DMD: variants seen among roughly 807,000 people sequenced by gnomAD.
The protein encoded by DMD is mutant dystrophin.
Under a neutral mutation model 330.1 loss-of-function variants are expected in DMD, and 63 were observed. The observed-to-expected ratio is 0.19, with a 90% confidence interval of 0.16 to 0.24. The LOEUF (loss-of-function observed/expected upper bound fraction) is 0.24, where lower values mean the gene tolerates loss of function less well. DMD is among the 10% of genes least tolerant of loss of function. The pLI, the probability that DMD is intolerant of heterozygous loss-of-function variation, is 1.00. For synonymous variants in DMD, 1,223 were observed against 959.8 expected, an observed-to-expected ratio of 1.27 and a Z score of -5.07; for missense variants, 3,344 against 2,684.1, an observed-to-expected ratio of 1.25 and a Z score of -5.43.
chrX:31,207,073 T>G (rs971573259), intron 65 of DMD, among the ~76,000 whole-genome samples: 1 of 111,967 alleles, frequency 8.9e-6, no homozygotes. Flanking sequence ...ATTACCTACT[T>G]TGGTCATGGA....
intron 2 of DMD, among the ~76,000 whole-genome samples, chrX:32,882,164 T>A: frequency 8.9e-6 from 1 of 111,953 alleles, no homozygotes; most frequent in Non-Finnish European, 1.9e-5. Flanking sequence ...GGGCCCTTCC[T>A]GCTATCCCAG....
intron 1 of DMD, among the ~76,000 whole-genome samples, chrX:33,121,058 A>T (rs569837309): frequency 1.8e-5 from 2 of 109,940 alleles, no homozygotes; most frequent in South Asian, 7.9e-4. Context: ...GGGCCCACTT[A>T]AATGTATAAG....
chrX:31,142,682 G>A (rs2036212562), intron 76 of DMD, among the ~76,000 whole-genome samples: 1 of 112,341 alleles, frequency 8.9e-6, no homozygotes, highest in Non-Finnish European at 1.9e-5. Context: ...GTAATCTGGT[G>A]GAAAGTTAGG....
rs373863717 is a variant in DMD, at chrX:31,510,648, T to C, written c.8218-3195A>G. On this transcript the variant is annotated intron_variant, in intron 55 of 78. Transcript: ENST00000357033. ...TCAGCCTCCCAAGTAGCTGGGACTATAGGCGCCCGCCACCACGCCTGGCTA... is the reference window on the plus strand; with the variant it reads ...TCAGCCTCCCAAGTAGCTGGGACTACAGGCGCCCGCCACCACGCCTGGCTA... 1.1e-3 allele frequency among the ~76,000 whole-genome samples: 116 copies of C among 108,602 alleles called. No homozygotes were observed. In the East Asian group the frequency reaches 0.017, roughly 16 times the overall value. The allele number at this position is 108,602 out of a possible 115,157, so 94.3% of individuals were successfully genotyped here.
At chrX:32,789,320 T>G (rs187813070) in intron 7 of DMD, among the ~76,000 whole-genome samples, 1 of 112,316 alleles carries the variant, frequency 8.9e-6, no homozygotes, top group Non-Finnish European at 1.9e-5. Context: ...TTAGTCATTT[T>G]TTAAGGAAGA....
chrX:32,703,033 C>A (rs1889837329), intron 7 of DMD, among the ~76,000 whole-genome samples: 1 of 111,330 alleles, frequency 9.0e-6, no homozygotes, highest in Non-Finnish European at 1.9e-5. Context: ...CATGCTTCCC[C>A]CAGCCAACCA....
intron 7 of DMD, among the ~76,000 whole-genome samples, chrX:32,773,142 T>A (rs146057557): frequency 4.4e-3 from 489 of 112,369 alleles, no homozygotes; most frequent in South Asian, 0.011. Flanking sequence ...CACCTTTGAC[T>A]GGAGGACATT....
chrX:32,628,248 A>G (rs1335373914), intron 11 of DMD, among the ~76,000 whole-genome samples: 2 of 41,721 alleles, frequency 4.8e-5, no homozygotes, highest in African/African-American at 1.8e-4. Flanking sequence ...CCATGAGTTC[A>G]GTTGTTTTAA....
At chrX:32,062,209 T>C (rs1320245767) in intron 44 of DMD, among the ~76,000 whole-genome samples, 1 of 110,730 alleles carries the variant, frequency 9.0e-6, no homozygotes, top group African/African-American at 3.3e-5. Flanking sequence ...AAAGAATTGG[T>C]GAGAATGAAC....
chrX:31,999,697 G>C (rs949348913), intron 44 of DMD, among the ~76,000 whole-genome samples: 2 of 111,939 alleles, frequency 1.8e-5, no homozygotes, highest in Non-Finnish European at 3.8e-5. Flanking sequence ...GAGTTAAGAA[G>C]TTACTTACTG....
chrX:33,202,823 A>T (rs2051355295), intron 1 of DMD, among the ~76,000 whole-genome samples: 1 of 112,036 alleles, frequency 8.9e-6, no homozygotes, highest in Admixed American at 9.5e-5. Context: ...ATGTGTGTGT[A>T]TCTGTTCTCT....
At chrX:31,434,451 C>CACAG (rs2064359928) in intron 60 of DMD, among the ~76,000 whole-genome samples, 2 of 102,701 alleles carry the variant, frequency 1.9e-5, no homozygotes, top group South Asian at 9.0e-4. Flanking sequence ...CACACACACA[C>CACAG]ACACACACAC....
intron 16 of DMD, among the ~76,000 whole-genome samples, chrX:32,547,011 G>C (rs2049032675): frequency 9.1e-6 from 1 of 109,967 alleles, no homozygotes; most frequent in East Asian, 2.9e-4. Context: ...GAGAAAACTT[G>C]CTTTGCAAAG....
intron 9 of DMD, among the ~76,000 whole-genome samples, chrX:32,683,218 A>G (rs144043651): frequency 8.1e-5 from 9 of 111,216 alleles, no homozygotes; most frequent in Admixed American, 2.9e-4. Context: ...ATAATTTTCT[A>G]TTGAAAGAAG....
intron 1 of DMD, among the ~76,000 whole-genome samples, chrX:33,318,241 G>GAT (rs2053961346): frequency 2.7e-5 from 3 of 110,290 alleles, no homozygotes; most frequent in Admixed American, 1.9e-4. Context: ...TGAATAAACA[G>GAT]ATATATATAT....
At chrX:31,883,426 C>G (rs985740452) in intron 47 of DMD, among the ~76,000 whole-genome samples, 2 of 110,379 alleles carry the variant, frequency 1.8e-5, no homozygotes. Context: ...TTTTAAAAAT[C>G]CCTGAATTTC....
At chrX:32,175,858 C>T (rs1199709591) in intron 44 of DMD, among the ~76,000 whole-genome samples, 6 of 111,717 alleles carry the variant, frequency 5.4e-5, no homozygotes, top group South Asian at 3.7e-4. Context: ...GGCATTACTA[C>T]GGAGGGAGGT....
chrX:33,175,592 A>C lies in DMD; in HGVS notation c.31+35690T>G, dbSNP rs145125880. Among the ~76,000 whole-genome samples, 26 of 112,169 alleles carry C rather than the reference A, an allele frequency of 2.3e-4. No homozygotes were observed. The East Asian group carries it at 7.3e-3, about 32-fold the overall frequency. On this transcript the variant is annotated intron_variant, in intron 1 of 78. Transcript: ENST00000357033. ...TTTATTATGATTTAGGAAATATTAT[A>C]CTCACTTTACAGGAAAAAAGCACCA...
At chrX:32,579,790 AAAGGT>A (rs1386208779) in intron 13 of DMD, among the ~76,000 whole-genome samples, 1 of 112,888 alleles carries the variant, frequency 8.9e-6, no homozygotes, top group African/African-American at 3.2e-5. Flanking sequence ...CTTATTTTTA[AAAGGT>A]AAGTATGACT....
Sources: gnomAD v4.1 joint callset for allele counts (sites outside exome capture counted in the v4.1 genomes callset) on GRCh38, gnomAD v4.1.1 for gene constraint, MANE v1.5 for transcripts, NCBI Gene and HGNC (gene_info 2026-07-23, HGNC 2026-07-21) for gene names.